CES1: variants seen among roughly 807,000 people sequenced by gnomAD.
CES1 encodes liver carboxylesterase 1.
CES1 carries 50 observed loss-of-function variants against 53.0 expected under a neutral mutation model. The observed-to-expected ratio is 0.94, with a 90% confidence interval of 0.75 to 1.19. The LOEUF is 1.19. Among genes scored for constraint, CES1 ranks in the 50% most tolerant of loss-of-function variants. CES1 has a pLI of 0.00. For missense variants in CES1, 534 were observed against 538.0 expected, an observed-to-expected ratio of 0.99 and a Z score of 0.07; for synonymous variants, 202 against 210.1, an observed-to-expected ratio of 0.96 and a Z score of 0.33.
chr16:55,824,785 T>G (rs1442595741), intron 3 of CES1, among the ~76,000 whole-genome samples: 2 of 152,242 alleles, frequency 1.3e-5, no homozygotes, highest in African/African-American at 4.8e-5. Flanking sequence ...GATTCCCATT[T>G]TGAGGAAACA....
intron 8 of CES1, among the ~76,000 whole-genome samples, chr16:55,814,889 C>T (rs2031868040): frequency 6.6e-6 from 1 of 152,202 alleles, no homozygotes; most frequent in Non-Finnish European, 1.5e-5. Context: ...CAATGAAGAA[C>T]AGGATTGGGG....
intron 10 of CES1, 88 bp from the exon 11 acceptor site, chr16:55,810,752 C>A (rs1284616136): frequency 2.0e-6 from 3 of 1,532,060 alleles, no homozygotes; most frequent in Non-Finnish European, 2.7e-6. Context: ...AATGGTGAAC[C>A]CCATAAGCCC....
In CES1 at chr16:55,826,127, T is replaced by G. The variant is rs1196343840; in HGVS notation, c.405+24A>C. 3.7e-6 allele frequency: 6 copies of G among 1,613,864 alleles called. No individual in the cohort carries two copies. In the Admixed American group the frequency reaches 1.0e-4, roughly 27 times the overall value. On this transcript the variant is annotated intron_variant, in intron 3 of 13. Transcript: ENST00000360526. ...GCGGGGTACTGGCACTGACACGCCT[T>G]GACCAGGGGGTCCCACAACTTACCG...
At position 55,821,270 on chromosome 16, in the gene CES1, G is replaced by A. The variant is rs1335397826; in HGVS notation, c.693+98C>T. ...AGGGCCAGTCCTGAATTCAGGTATT[G>A]TAATCAGAGGTATCCATAGCTGGAT... On this transcript the variant is annotated intron_variant, in intron 5 of 13. Coordinates refer to ENST00000360526, the MANE Select transcript of CES1 (RefSeq NM_001025195.2). 16 of 1,475,654 alleles carry A rather than the reference G, an allele frequency of 1.1e-5. No individual in the cohort carries two copies. In the Admixed American group the frequency reaches 1.2e-4, roughly 11 times the overall value. The allele number at this position is 1,475,654 out of a possible 1,614,324, so 91.4% of individuals were successfully genotyped here.
In CES1 at chr16:55,826,176, T is replaced by A; in HGVS notation, c.380A>T (p.Asp127Val). The A allele has an allele frequency of 6.2e-7, 1 of 1,613,928 alleles. No homozygotes were observed. Among genetic ancestry groups the A allele is most frequent in the Non-Finnish European group, 8.5e-7 (1 of 1,179,858 alleles). Residue 127 changes from aspartate (D) to valine (V), a missense_variant, in exon 3 of 14, where the codon GAC becomes GTC. Physicochemically the swap from Asp to Val is radical, Grantham distance 152. Transcript: ENST00000360526. ...CGGCAGCCTGTTTTTCTTGGTCAAG[T>A]CAGCAGGAGTGTAAATATTGAGGTA... ...CLYLNIYTPADLTKKNRLPVM... is the reference protein window; with the variant it reads ...CLYLNIYTPAVLTKKNRLPVM...
At chr16:55,827,457 G>A (rs2032463218) in intron 2 of CES1, among the ~76,000 whole-genome samples, 2 of 152,126 alleles carry the variant, frequency 1.3e-5, no homozygotes, top group Admixed American at 6.5e-5. Flanking sequence ...ATTGCCAAGA[G>A]TCTGCCAAAT....
chr16:55,831,747 G>C (rs1337483611), intron 1 of CES1, among the ~76,000 whole-genome samples: 1 of 151,304 alleles, frequency 6.6e-6, no homozygotes, highest in African/African-American at 2.4e-5. Flanking sequence ...CGCAGTGTCA[G>C]GCTGCCAGAA....
intron 11 of CES1, 108 bp downstream of exon 11, chr16:55,810,409 A>C (rs1308922230): frequency 7.0e-7 from 1 of 1,434,460 alleles, no homozygotes; most frequent in Non-Finnish European, 9.8e-7. Context: ...TCAGCCTTTG[A>C]GGCCTGACCC....
At chr16:55,820,216 G>T in intron 6 of CES1, 156 bp downstream of exon 6, 2 of 605,388 alleles carry the variant, frequency 3.3e-6, no homozygotes, top group Non-Finnish European at 5.9e-6. Context: ...GCTGATCAAG[G>T]TGTCTCCTCG....
chr16:55,813,066 C>G lies in CES1; in HGVS notation c.946-23G>C, dbSNP rs200767113. 4.7e-4 allele frequency: 765 copies of G among 1,613,494 alleles called. 7 individuals are homozygous for G. The highest frequency in any genetic ancestry group is 1.0e-4 in the Non-Finnish European group (121 of 1,179,862). ...ACTCTGGGGAGAGAGCAGTGCAGCA[C>G]CTGTGATTCCCTCCCTAGTCACACC... On this transcript the variant is annotated intron_variant, in intron 8 of 13. Coordinates refer to ENST00000360526, the MANE Select transcript of CES1 (RefSeq NM_001025195.2).
At chr16:55,816,995 A>T in intron 7 of CES1, 33 bp from the exon 8 acceptor site, 1 of 1,613,430 alleles carries the variant, frequency 6.2e-7, no homozygotes, top group Non-Finnish European at 8.5e-7. Flanking sequence ...TGTGGGTGAG[A>T]GGCTTACCAG....
At chr16:55,830,811 A>AGGCAGGCAGGC (rs2032624109) in intron 1 of CES1, among the ~76,000 whole-genome samples, 1 of 143,034 alleles carries the variant, frequency 7.0e-6, no homozygotes, top group African/African-American at 2.7e-5. Flanking sequence ...GGAAGGAAGG[A>AGGCAGGCAGGC]AGGAAGGAAG....
chr16:55,819,397 G>A, intron 7 of CES1, 138 bp downstream of exon 7: 2 of 737,914 alleles, frequency 2.7e-6, no homozygotes, highest in East Asian at 5.0e-5. Context: ...AATAAAAAAG[G>A]ACAAATCAGA....
intron 9 of CES1, among the ~76,000 whole-genome samples, chr16:55,811,869 C>G (rs543088878): frequency 2.0e-5 from 3 of 152,308 alleles, no homozygotes; most frequent in South Asian, 2.1e-4. Flanking sequence ...CAGTCCCTGT[C>G]GAAAGAGTAG....
intron 3 of CES1, among the ~76,000 whole-genome samples, chr16:55,824,150 G>A (rs1290218849): frequency 1.3e-5 from 2 of 151,814 alleles, no homozygotes; most frequent in Non-Finnish European, 3.0e-5. Context: ...AGAAGCACAC[G>A]TGCCTGTGAT....
At chr16:55,809,467 G>A (rs2074453478) in intron 11 of CES1, among the ~76,000 whole-genome samples, 2 of 152,224 alleles carry the variant, frequency 1.3e-5, no homozygotes, top group Non-Finnish European at 2.9e-5. Context: ...AGGCGAATGA[G>A]AGCTGGAAGA....
chr16:55,828,732 G>T, intron 2 of CES1, 35 bp downstream of exon 2: 1 of 1,613,758 alleles, frequency 6.2e-7, no homozygotes, highest in Non-Finnish European at 8.5e-7. Context: ...ATCACTTTGA[G>T]GTAAACATCC....
In CES1 at chr16:55,808,665, T is replaced by C. The variant is rs139629348; in HGVS notation, c.1318+1852A>G. ...TATTAGACATGTGTTTAGAGACTTA[T>C]GAACATTAGGCTGAGCTCAATGTTA... On this transcript the variant is annotated intron_variant, in intron 11 of 13. Coordinates refer to ENST00000360526, the MANE Select transcript of CES1 (RefSeq NM_001025195.2). Among the ~76,000 whole-genome samples the C allele has an allele frequency of 5.8e-3, 888 of 152,286 alleles. 5 individuals carry two copies. The highest frequency in any genetic ancestry group is 0.017 in the Middle Eastern group (5 of 294).
chr16:55,825,500 G>A (rs1323499251), intron 3 of CES1, among the ~76,000 whole-genome samples: 1 of 152,240 alleles, frequency 6.6e-6, no homozygotes, highest in Non-Finnish European at 1.5e-5. Flanking sequence ...CAATTAGGGA[G>A]GGAAATTAGG....
Sources: allele counts gnomAD v4.1 joint callset (sites outside exome capture counted in the v4.1 genomes callset), GRCh38; gene constraint gnomAD v4.1.1; transcripts MANE v1.5; gene names NCBI Gene and HGNC (gene_info 2026-07-23, HGNC 2026-07-21).